The following CBFA2T3 variants were observed in gnomAD, a reference collection of about 807,000 sequenced individuals.
The protein encoded by CBFA2T3 is transcriptional corepressor CBFA2T3.
CBFA2T3 carries 31 observed loss-of-function variants against 58.6 expected under a neutral mutation model. The observed-to-expected ratio is 0.53, with a 90% CI of 0.40 to 0.71. CBFA2T3 has a LOEUF of 0.71. Among genes scored for constraint, CBFA2T3 ranks in the 30% least tolerant of loss-of-function variants. The probability of loss-of-function intolerance (pLI) is 0.00; values close to 1 mark genes in which losing one functional copy is unlikely to be tolerated. For synonymous variants in CBFA2T3, 531 were observed against 421.9 expected (o/e 1.26, Z -3.17); for missense variants, 1,076 against 963.1 (o/e 1.12, Z -1.55).
At chr16:88,878,973 G>A (rs1215184230) in intron 11 of CBFA2T3, among the ~76,000 whole-genome samples, 1 of 152,150 alleles carries the variant, frequency 6.6e-6, no homozygotes, top group East Asian at 1.9e-4. Context: ...GCCAACCTGG[G>A]CTCGAGTCCT....
chr16:88,899,092 G>T (rs754548532), intron 2 of CBFA2T3, among the ~76,000 whole-genome samples: 1 of 123,632 alleles, frequency 8.1e-6, no homozygotes, highest in South Asian at 2.5e-4. Context: ...CAGCAGCACC[G>T]CAGCTTCAAC....
At chr16:88,907,645 C>A (rs1970383461) in intron 1 of CBFA2T3, among the ~76,000 whole-genome samples, 1 of 152,214 alleles carries the variant, frequency 6.6e-6, no homozygotes, top group Non-Finnish European at 1.5e-5. Context: ...CCCTTCCCCA[C>A]TGGCCACAGA....
intron 1 of CBFA2T3, chr16:88,938,385 A>T (rs1567622134): frequency 6.6e-6 from 1 of 150,788 alleles, no homozygotes; most frequent in African/African-American, 2.5e-5. Flanking sequence ...GGGCCTGGAG[A>T]CACTCGCTGC....
At chr16:88,925,411 G>A (rs1000338034) in intron 1 of CBFA2T3, among the ~76,000 whole-genome samples, 15 of 152,222 alleles carry the variant, frequency 9.9e-5, no homozygotes, top group African/African-American at 3.4e-4. Context: ...GGGCCAGGGG[G>A]TGGTGCTGCT....
rs940903641 is a variant in CBFA2T3 at position 88,875,951 on chromosome 16, G to A, written c.*1025C>T. 4 of 232,978 alleles carry A rather than the reference G, an allele frequency of 1.7e-5. No homozygotes were observed. Among genetic ancestry groups the A allele is most frequent in the Non-Finnish European group, 1.7e-5 (2 of 117,828 alleles). The allele number at this position is 232,978 out of a possible 1,614,324, so 14.4% of individuals were successfully genotyped here. A position where few individuals can be genotyped will look rare whatever the true frequency, so the allele number is the denominator to read the frequency against. On this transcript the variant is annotated 3_prime_UTR_variant, in exon 12 of 12. Transcript: ENST00000268679. The stretch of plus-strand genomic sequence containing the variant: ...ACGCACACGCGGCGGACGCACCAAC[G>A]CCTACGCAGAAGAGAACAAAAGTCG...
In CBFA2T3 at chr16:88,887,480, C is replaced by T. The variant is rs573373289; in HGVS notation, c.712-1338G>A. Among the ~76,000 whole-genome samples, 6 of 152,190 alleles carry T rather than the reference C, an allele frequency of 3.9e-5. No individual in the cohort carries two copies. The East Asian group carries it at 5.8e-4, about 15-fold the overall frequency. ...AGCTGAGGCCAGCTGGGAGCCGGGG[C>T]GGTGGGTGGGGCTGCATCCCCCAGC... On this transcript the variant is annotated intron_variant, in intron 5 of 11. Coordinates refer to ENST00000268679, the MANE Select transcript of CBFA2T3 (RefSeq NM_005187.6).
chr16:88,879,456 C>T lies in CBFA2T3; in HGVS notation c.1476G>A (p.Glu492=). The part of the protein sequence containing the change: ...VPEDIWRKAE[E]AVNEVKRQAM... ...CCTGCCGCTTCACCTCATTCACGGC[C>T]TCTTCTGCAAAGGACATGGGCAGGG... The change falls in exon 11 of 12, where the codon GAG becomes GAA. Residue 492 remains glutamate, a synonymous_variant. Transcript: ENST00000268679. The T allele has an allele frequency of 2.5e-6, 4 of 1,610,176 alleles. No homozygotes were observed. Among genetic ancestry groups the T allele is most frequent in the Non-Finnish European group, 8.5e-7 (1 of 1,177,346 alleles).
rs949104994 is a variant in CBFA2T3 at position 88,953,993 on chromosome 16, G to A, written c.151+22664C>T. On this transcript the variant is annotated intron_variant, in intron 1 of 11. Coordinates refer to ENST00000268679, the MANE Select transcript of CBFA2T3 (RefSeq NM_005187.6). This position sits in a 1 kb window ranked among gnomAD's most constrained non-coding sequence, Gnocchi z 4.9. ...ACAGCTGACACCATGTCAGGACAGTGGCTACCTAGCAGGAAGCTCTTTCAT... is the reference window on the plus strand; with the variant it reads ...ACAGCTGACACCATGTCAGGACAGTAGCTACCTAGCAGGAAGCTCTTTCAT... Among the ~76,000 whole-genome samples, 1 of 152,084 alleles carries A rather than the reference G, an allele frequency of 6.6e-6. No homozygotes were observed. The highest frequency in any genetic ancestry group is 6.5e-5 in the Admixed American group (1 of 15,278).
intron 3 of CBFA2T3, among the ~76,000 whole-genome samples, chr16:88,894,184 CATAT>C (rs1225868917): frequency 6.8e-6 from 1 of 147,460 alleles, no homozygotes; most frequent in Non-Finnish European, 1.5e-5. Context: ...CACATGCATA[CATAT>C]ACACATGCAC....
chr16:88,954,360 C>CCAAGGCTCCTG lies in CBFA2T3; in HGVS notation c.151+22296_151+22297insCAGGAGCCTTG, dbSNP rs1567632774. ...TGACCCCAGCCAAGGCTCCTGACCT[C>CCAAGGCTCCTG]ACCCAAGGCTCCTGACCCCACCCAA... On this transcript the variant is annotated intron_variant, in intron 1 of 11. Coordinates refer to ENST00000268679, the MANE Select transcript of CBFA2T3 (RefSeq NM_005187.6). Among the ~76,000 whole-genome samples the CCAAGGCTCCTG allele has an allele frequency of 3.2e-4, 46 of 142,870 alleles. 4 individuals carry two copies. The highest frequency in any genetic ancestry group is 1.3e-3 in the African/African-American group (45 of 35,392). 93.7% of individuals were successfully genotyped at this position (142,870 alleles called of 152,430 possible). A position where few individuals can be genotyped will look rare whatever the true frequency, so the allele number is the denominator to read the frequency against.
intron 1 of CBFA2T3, among the ~76,000 whole-genome samples, chr16:88,909,111 C>T (rs967215015): frequency 6.6e-6 from 1 of 152,214 alleles, no homozygotes; most frequent in Non-Finnish European, 1.5e-5. Context: ...GGGCTCCAGG[C>T]CTCTCCTGTT....
At chr16:88,950,969 G>A (rs1462845125) in intron 1 of CBFA2T3, 6 of 432,220 alleles carry the variant, frequency 1.4e-5, no homozygotes, top group Non-Finnish European at 2.3e-5. Context: ...GCCACAGAGG[G>A]TCAGAGTGTT....
intron 1 of CBFA2T3, chr16:88,937,083 C>T (rs1971527597): frequency 6.6e-6 from 1 of 152,234 alleles, no homozygotes; most frequent in Non-Finnish European, 1.5e-5. Context: ...CCAGGCCTGC[C>T]CGGTGGGCTG....
At position 88,892,064 on chromosome 16, in the gene CBFA2T3, G is replaced by GAGGC. The variant is rs1969655026; in HGVS notation, c.622-97_622-94dup. 12 of 1,380,016 alleles carry GAGGC rather than the reference G, an allele frequency of 8.7e-6. No individual in the cohort carries two copies. In the South Asian group the frequency reaches 1.1e-4, roughly 13 times the overall value. The allele number at this position is 1,380,016 out of a possible 1,614,324, so 85.5% of individuals were successfully genotyped here. ...GCCTGAGGAGGAGGCTTCCGTGTTG[G>GAGGC]AGGCAGGCAGGCAGCCCAGGAGCTG... On this transcript the variant is annotated intron_variant, in intron 4 of 11. Transcript: ENST00000268679.
intron 1 of CBFA2T3, among the ~76,000 whole-genome samples, chr16:88,903,670 G>GA (rs1970189466): frequency 1.7e-5 from 2 of 118,938 alleles, no homozygotes; most frequent in African/African-American, 6.2e-5. Flanking sequence ...GGGGGGGGGG[G>GA]CGTTCCTGGG....
At chr16:88,972,134 T>G (rs1440398755) in intron 1 of CBFA2T3, among the ~76,000 whole-genome samples, 1 of 150,008 alleles carries the variant, frequency 6.7e-6, no homozygotes, top group Non-Finnish European at 1.5e-5. Flanking sequence ...TCCTTGTGTG[T>G]GGGGATGGGC....
At chr16:88,880,109 G>T (rs147555622) in intron 10 of CBFA2T3, 1 of 156,196 alleles carries the variant, frequency 6.4e-6, no homozygotes, top group Non-Finnish European at 1.4e-5. Flanking sequence ...GTGCTAAGAT[G>T]GGGTAGGCTC....
chr16:88,942,187 C>T (rs907429072), intron 1 of CBFA2T3, among the ~76,000 whole-genome samples: 3 of 152,252 alleles, frequency 2.0e-5, no homozygotes, highest in African/African-American at 4.8e-5. Context: ...CCCCCTCCCC[C>T]GCCCGCTTTG....
At chr16:88,923,736 A>T (rs1278850417) in intron 1 of CBFA2T3, among the ~76,000 whole-genome samples, 1 of 152,162 alleles carries the variant, frequency 6.6e-6, no homozygotes, top group African/African-American at 2.4e-5. Flanking sequence ...TCCGACATGG[A>T]GGTCGGCTTT....
Sources: gnomAD v4.1 joint callset for allele counts (sites outside exome capture counted in the v4.1 genomes callset) on GRCh38, gnomAD v4.1.1 for gene constraint, Gnocchi (gnomAD v3.1) non-coding constraint, MANE v1.5 for transcripts, NCBI Gene and HGNC (gene_info 2026-07-23, HGNC 2026-07-21) for gene names.